The following NRXN1 variants were observed in gnomAD, a reference collection of about 807,000 sequenced individuals.
The protein encoded by NRXN1 is neurexin-1.
Under a neutral mutation model 150.9 loss-of-function variants are expected in NRXN1, and 39 were observed. The observed-to-expected ratio is 0.26, with a 90% CI of 0.20 to 0.34. The LOEUF is 0.34. Among genes scored for constraint, NRXN1 ranks in the 10% least tolerant of loss-of-function variants. The pLI is 1.00. For synonymous variants in NRXN1, 924 were observed against 757.0 expected, an observed-to-expected ratio of 1.22 and a Z score of -3.62; for missense variants, 1,815 against 1,949.9, an observed-to-expected ratio of 0.93 and a Z score of 1.30.
At chr2:50,645,256 T>C (rs1684659121) in intron 5 of NRXN1, among the ~76,000 whole-genome samples, 1 of 151,870 alleles carries the variant, frequency 6.6e-6, no homozygotes, top group Non-Finnish European at 1.5e-5. Context: ...CAAAATGTGA[T>C]TCAAAATAGA....
At chr2:50,741,952 C>A (rs1699476886) in intron 5 of NRXN1, among the ~76,000 whole-genome samples, 1 of 152,108 alleles carries the variant, frequency 6.6e-6, no homozygotes, top group South Asian at 2.1e-4. Flanking sequence ...TTATTACCAT[C>A]AAAACTCATT....
At chr2:50,448,477 A>C (rs778829372) in intron 17 of NRXN1, among the ~76,000 whole-genome samples, 2 of 152,208 alleles carry the variant, frequency 1.3e-5, no homozygotes, top group Non-Finnish European at 2.9e-5. Context: ...AATGAGGAGT[A>C]GGTGTAATGA....
At chr2:50,330,342 A>G (rs566972574) in intron 17 of NRXN1, among the ~76,000 whole-genome samples, 2 of 152,340 alleles carry the variant, frequency 1.3e-5, no homozygotes, top group East Asian at 3.9e-4. Flanking sequence ...AACCAATGTT[A>G]TCGAAAATTT....
chr2:50,461,271 A>T (rs2088178234), intron 17 of NRXN1, among the ~76,000 whole-genome samples: 1 of 151,990 alleles, frequency 6.6e-6, no homozygotes, highest in Admixed American at 6.6e-5. Flanking sequence ...TTCTGAAAAC[A>T]GCCTTTTAAT....
intron 5 of NRXN1, among the ~76,000 whole-genome samples, chr2:50,708,898 A>G (rs1001954385): frequency 1.3e-5 from 2 of 152,202 alleles, no homozygotes; most frequent in Non-Finnish European, 1.5e-5. Context: ...GCTTCCAGCC[A>G]TAGCTCAATC....
intron 18 of NRXN1, among the ~76,000 whole-genome samples, chr2:50,202,257 G>T (rs548405106): frequency 2.0e-4 from 31 of 152,072 alleles, no homozygotes; most frequent in Non-Finnish European, 4.3e-4. Context: ...CTGTAATCCC[G>T]CCACTTTTGG....
intron 5 of NRXN1, among the ~76,000 whole-genome samples, chr2:50,662,709 G>GGCATC (rs1311474614): frequency 2.0e-5 from 3 of 151,884 alleles, no homozygotes; most frequent in Non-Finnish European, 4.4e-5. Flanking sequence ...CCTTGTTTAG[G>GGCATC]GCATCAAGTA....
chr2:50,935,454 G>T lies in NRXN1; in HGVS notation c.773-9499C>A, dbSNP rs1395389696. Among the ~76,000 whole-genome samples the T allele has an allele frequency of 2.6e-5, 4 of 152,124 alleles. No homozygotes were observed. The East Asian group carries it at 7.7e-4, about 29-fold the overall frequency. ...AGAATAGAAAAATAATCCTTAGGCT[G>T]GGCGCAGTGGCTCAGGCCTATTATA... On this transcript the variant is annotated intron_variant, in intron 2 of 22. Transcript: ENST00000401669.
chr2:50,251,407 C>A (rs2067065480), intron 17 of NRXN1, among the ~76,000 whole-genome samples: 1 of 152,090 alleles, frequency 6.6e-6, no homozygotes, highest in Non-Finnish European at 1.5e-5. Flanking sequence ...TAATGTATCA[C>A]ATTTTCTTTA....
At chr2:50,407,382 T>G (rs1320166724) in intron 17 of NRXN1, among the ~76,000 whole-genome samples, 1 of 152,174 alleles carries the variant, frequency 6.6e-6, no homozygotes, top group East Asian at 1.9e-4. Flanking sequence ...TTATCCTCTC[T>G]GCATATGTAA....
intron 17 of NRXN1, among the ~76,000 whole-genome samples, chr2:50,430,683 TTACCAGTC>T (rs1333661630): frequency 6.6e-6 from 1 of 152,166 alleles, no homozygotes; most frequent in Non-Finnish European, 1.5e-5. Flanking sequence ...TGTGTGTGAA[TTACCAGTC>T]TTAGTTAATG....
chr2:50,403,307 G>A (rs1233270727), intron 17 of NRXN1, among the ~76,000 whole-genome samples: 2 of 152,144 alleles, frequency 1.3e-5, no homozygotes, highest in African/African-American at 4.8e-5. Flanking sequence ...TCTCCATCCT[G>A]TTGCTAGTTG....
intron 21 of NRXN1, among the ~76,000 whole-genome samples, chr2:50,034,097 A>G (rs1219599323): frequency 6.6e-6 from 1 of 152,056 alleles, no homozygotes; most frequent in Non-Finnish European, 1.5e-5. Context: ...TTCCTCAAAG[A>G]CCTAAAAACA....
chr2:50,867,471 G>A (rs888060008), intron 5 of NRXN1, among the ~76,000 whole-genome samples: 32 of 151,814 alleles, frequency 2.1e-4, no homozygotes, highest in Non-Finnish European at 4.1e-4. Flanking sequence ...AAAACAAAAA[G>A]CCATTCTGCT....
chr2:50,658,078 A>T (rs1367196500), intron 5 of NRXN1, among the ~76,000 whole-genome samples: 1 of 152,072 alleles, frequency 6.6e-6, no homozygotes, highest in Non-Finnish European at 1.5e-5. Context: ...TGCTCTCAGC[A>T]GATCTTAGAC....
intron 17 of NRXN1, among the ~76,000 whole-genome samples, chr2:50,320,283 C>CAT (rs61282635): frequency 0.091 from 3,885 of 42,472 alleles, 392 homozygotes; most frequent in Non-Finnish European, 0.13. Flanking sequence ...ATACCTCAAT[C>CAT]ATATATATAT....
intron 21 of NRXN1, among the ~76,000 whole-genome samples, chr2:49,981,679 G>T (rs1349668978): frequency 6.6e-6 from 1 of 152,082 alleles, no homozygotes. Flanking sequence ...AACCCACATG[G>T]AGTGAATGTT....
At chr2:50,042,123 A>G (rs1006805929) in intron 21 of NRXN1, among the ~76,000 whole-genome samples, 1 of 152,236 alleles carries the variant, frequency 6.6e-6, no homozygotes, top group Non-Finnish European at 1.5e-5. Context: ...TTTATACTGC[A>G]TAAGAAGGAA....
chr2:50,069,263 C>T (rs1563021), intron 19 of NRXN1, among the ~76,000 whole-genome samples: 94,999 of 151,928 alleles, frequency 0.63, 29,904 homozygotes, highest in Middle Eastern at 0.67. Flanking sequence ...CAAAGAAGGG[C>T]CACAGAAACC....
Sources: gnomAD v4.1 joint callset for allele counts (sites outside exome capture counted in the v4.1 genomes callset) on GRCh38, gnomAD v4.1.1 for gene constraint, MANE v1.5 for transcripts, NCBI Gene and HGNC (gene_info 2026-07-23, HGNC 2026-07-21) for gene names.